Variants in SAMD4A observed in about 807,000 individuals in gnomAD.
SAMD4A encodes the protein protein Smaug homolog 1.
A neutral mutation model predicts 81.3 loss-of-function variants in SAMD4A; 33 were observed. The ratio of observed to expected loss-of-function variants is 0.41; its 90% CI spans 0.31 to 0.54. The LOEUF (loss-of-function observed/expected upper bound fraction) is 0.54. Ranked by LOEUF, SAMD4A falls within the 20% of genes least tolerant of loss-of-function variation. The pLI is 0.37. For missense variants in SAMD4A, 854 were observed against 951.1 expected (o/e 0.90, Z 1.34); for synonymous variants, 389 against 382.1 (o/e 1.02, Z -0.21).
Position 54,567,568 on chromosome 14 carries a change from G to T in SAMD4A, c.-349G>T. The T allele has an allele frequency of 3.6e-6, 1 of 276,312 alleles. No individual in the cohort carries two copies. Among genetic ancestry groups the T allele is most frequent in the Non-Finnish European group, 6.8e-6 (1 of 146,372 alleles). The allele number at this position is 276,312 out of a possible 1,614,324, so 17.1% of individuals were successfully genotyped here. On this transcript the variant is annotated 5_prime_UTR_variant, in exon 2 of 13. Transcript: ENST00000554335. ...CCCAGCGGGGAGGAGACCCCAGGAC[G>T]CCGGAAATCACCATCCCAAAGCTGC...
At chr14:54,788,544 C>T (rs1188451476) in intron 12 of SAMD4A, among the ~76,000 whole-genome samples, 1 of 152,182 alleles carries the variant, frequency 6.6e-6, no homozygotes, top group East Asian at 1.9e-4. Flanking sequence ...CCTTGACTTC[C>T]CAGGCCAACC....
rs144280453 is a variant in SAMD4A, at chr14:54,765,736, G to A, written c.1596+1196G>A. On this transcript the variant is annotated intron_variant, in intron 8 of 12. Transcript: ENST00000554335. The stretch of plus-strand genomic sequence containing the variant: ...GGTGAAGGGAGACGCCCAGCACAGC[G>A]GCCAGGCCCCTTCTCCACTTCCCTC... Among the ~76,000 whole-genome samples, 106 of 152,292 alleles carry A rather than the reference G, an allele frequency of 7.0e-4. No individual in the cohort carries two copies. The Middle Eastern group carries it at 0.02, about 29-fold the overall frequency.
rs567789997 is a variant in SAMD4A, at chr14:54,752,218, T to A, written c.1176+681T>A. ...TATTTGCTGCCTAGACAGGTCCTCTTCTTACCTTTGTGTCTGGATGCTGCC... is the reference window on the plus strand; with the variant it reads ...TATTTGCTGCCTAGACAGGTCCTCTACTTACCTTTGTGTCTGGATGCTGCC... On this transcript the variant is annotated intron_variant, in intron 6 of 12. Transcript: ENST00000554335. Among the ~76,000 whole-genome samples, 8 of 152,362 alleles carry A rather than the reference T, an allele frequency of 5.3e-5. 1 individual carries two copies. Among genetic ancestry groups the A allele is most frequent in the African/African-American group, 1.7e-4 (7 of 41,582 alleles).
intron 2 of SAMD4A, among the ~76,000 whole-genome samples, chr14:54,617,090 A>C (rs562233800): frequency 1.1e-3 from 170 of 152,280 alleles, no homozygotes; most frequent in African/African-American, 3.8e-3. Context: ...TGGGATTTTT[A>C]AAGGCTTCAA....
chr14:54,598,906 A>G (rs1190305954), intron 2 of SAMD4A, among the ~76,000 whole-genome samples: 2 of 151,300 alleles, frequency 1.3e-5, no homozygotes, highest in African/African-American at 2.4e-5. Flanking sequence ...CTGCAGCCTC[A>G]GTCTACCAGG....
chr14:54,759,846 A>G lies in SAMD4A; in HGVS notation c.1177-315A>G, dbSNP rs145657867. Among the ~76,000 whole-genome samples the G allele has an allele frequency of 2.7e-3, 405 of 152,292 alleles. 1 individual carries two copies. Among genetic ancestry groups the G allele is most frequent in the African/African-American group, 9.4e-3 (389 of 41,550 alleles). ...AAAGCATGTGACTGTAATATGTATA[A>G]CTGCATTTTACAGAAATGCACAGAG... On this transcript the variant is annotated intron_variant, in intron 6 of 12. Transcript: ENST00000554335.
At chr14:54,581,379 G>A (rs566608240) in intron 2 of SAMD4A, among the ~76,000 whole-genome samples, 1 of 152,312 alleles carries the variant, frequency 6.6e-6, no homozygotes, top group Admixed American at 6.5e-5. Flanking sequence ...ATAAACACAT[G>A]GTTCTCTTGG....
chr14:54,681,637 A>C (rs1413774319), intron 2 of SAMD4A: 1 of 194,802 alleles, frequency 5.1e-6, no homozygotes, highest in Non-Finnish European at 9.4e-6. Context: ...TCCCTATGTT[A>C]CCCAGGCTGG....
intron 2 of SAMD4A, among the ~76,000 whole-genome samples, chr14:54,581,029 G>A (rs2033450499): frequency 6.6e-6 from 1 of 152,158 alleles, no homozygotes; most frequent in Non-Finnish European, 1.5e-5. Context: ...ATAGATGCTG[G>A]TTTCCCCTCA....
At chr14:54,603,837 T>C (rs1190953510) in intron 2 of SAMD4A, among the ~76,000 whole-genome samples, 1 of 152,164 alleles carries the variant, frequency 6.6e-6, no homozygotes, top group Non-Finnish European at 1.5e-5. Context: ...TTTATTTATT[T>C]ATTTTGAGAT....
At chr14:54,681,505 T>C (rs1002902086) in intron 2 of SAMD4A, among the ~76,000 whole-genome samples, 1 of 152,218 alleles carries the variant, frequency 6.6e-6, no homozygotes, top group Middle Eastern at 3.4e-3. Flanking sequence ...TCATGGCTCA[T>C]AGCAGCCTTG....
intron 4 of SAMD4A, among the ~76,000 whole-genome samples, chr14:54,747,529 G>C (rs1329802289): frequency 6.6e-6 from 1 of 152,200 alleles, no homozygotes; most frequent in Non-Finnish European, 1.5e-5. Flanking sequence ...AATGTGTGTG[G>C]TCAGTGCCTC....
Position 54,760,442 on chromosome 14 carries a change from C to T in SAMD4A, c.1458C>T (p.Ala486=). 7.0e-7 allele frequency: 1 copy of T among 1,428,528 alleles called. No homozygotes were observed. Among genetic ancestry groups the T allele is most frequent in the Non-Finnish European group, 9.1e-7 (1 of 1,100,860 alleles). 88.5% of individuals were successfully genotyped at this position (1,428,528 alleles called of 1,614,324 possible). The change falls in exon 7 of 13, where the codon GCC becomes GCT. Residue 486 remains alanine (A), a synonymous_variant. Transcript: ENST00000554335. ...GCTGCGATGGGGAGCTGGCCGTCGC[C>T]CCCCTGCCAGAGGGGGACCTCCCCG... is the stretch of plus-strand genomic sequence containing the variant. ...LSSCDGELAV[A]PLPEGDLPGQ...
At chr14:54,668,666 G>A (rs1410024536) in intron 2 of SAMD4A, 5 of 152,148 alleles carry the variant, frequency 3.3e-5, no homozygotes, top group Non-Finnish European at 7.4e-5. Context: ...AAAGAAGATA[G>A]GAAGGAAAAA....
At chr14:54,697,366 G>A (rs1214458821) in intron 2 of SAMD4A, among the ~76,000 whole-genome samples, 1 of 152,182 alleles carries the variant, frequency 6.6e-6, no homozygotes, top group Non-Finnish European at 1.5e-5. Flanking sequence ...TTGTCGGCAG[G>A]CCTCCACAGG....
intron 2 of SAMD4A, chr14:54,688,355 A>G: frequency 1.0e-6 from 1 of 985,326 alleles, no homozygotes. Flanking sequence ...GACTCATCTC[A>G]ACTCTCCTCC....
chr14:54,606,219 A>ATGTGTGTGTGTG (rs1566543939), intron 2 of SAMD4A, among the ~76,000 whole-genome samples: 2 of 77,608 alleles, frequency 2.6e-5, no homozygotes, highest in African/African-American at 9.2e-5. Context: ...GTGTGCGTGC[A>ATGTGTGTGTGTG]CGTGCACGTG....
At chr14:54,773,332 C>T (rs972256109) in intron 9 of SAMD4A, among the ~76,000 whole-genome samples, 2 of 152,228 alleles carry the variant, frequency 1.3e-5, no homozygotes, top group Non-Finnish European at 2.9e-5. Flanking sequence ...CTACGTCAGC[C>T]CTGCTTCCCG....
intron 6 of SAMD4A, among the ~76,000 whole-genome samples, chr14:54,757,423 G>GTTT (rs769063183): frequency 7.4e-6 from 1 of 135,432 alleles, no homozygotes; most frequent in African/African-American, 3.0e-5. Context: ...GTGTGTGTGT[G>GTTT]TGTGTTTTGT....
Sources: allele counts gnomAD v4.1 joint callset (sites outside exome capture counted in the v4.1 genomes callset), GRCh38; gene constraint gnomAD v4.1.1; transcripts MANE v1.5; gene names NCBI Gene and HGNC (gene_info 2026-07-23, HGNC 2026-07-21).